The following MAGEC3 variants were observed in gnomAD, a reference collection of about 807,000 sequenced individuals.
MAGEC3 encodes the protein MAGE family member C3.
MAGEC3 carries 34 observed loss-of-function variants against 35.3 expected under a neutral mutation model. The observed-to-expected ratio is 0.96, with a 90% CI of 0.73 to 1.28. MAGEC3 has a LOEUF of 1.28. MAGEC3 is among the 50% of genes most tolerant of loss of function. MAGEC3 has a pLI of 0.00. For synonymous variants in MAGEC3, 202 were observed against 185.6 expected (o/e 1.09, Z -0.72); for missense variants, 561 against 483.6 (o/e 1.16, Z -1.50).
intron 6 of MAGEC3, 73 bp from the exon 7 acceptor site, chrX:141,896,809 T>G (rs777908610): frequency 8.3e-7 from 1 of 1,203,548 alleles, no homozygotes; most frequent in East Asian, 3.0e-5. Context: ...TTTATTCCCC[T>G]CCTCCTCTTC....
intron 1 of MAGEC3, among the ~76,000 whole-genome samples, chrX:141,847,368 T>C (rs1296644721): frequency 9.0e-6 from 1 of 111,210 alleles, no homozygotes; most frequent in Non-Finnish European, 1.9e-5. Context: ...TAACCAACCA[T>C]CCCAACATAG....
intron 1 of MAGEC3, among the ~76,000 whole-genome samples, chrX:141,853,143 G>A (rs1004520312): frequency 9.0e-6 from 1 of 111,048 alleles, no homozygotes; most frequent in Non-Finnish European, 1.9e-5. Context: ...CAACCCTTGT[G>A]GTATGTGGTA....
intron 1 of MAGEC3, among the ~76,000 whole-genome samples, chrX:141,863,170 TTTTG>T (rs2017826111): frequency 3.6e-5 from 4 of 112,076 alleles, no homozygotes; most frequent in Admixed American, 1.9e-4. Flanking sequence ...ACCTTATCTA[TTTTG>T]TTTATTTTAA....
intron 4 of MAGEC3, among the ~76,000 whole-genome samples, chrX:141,886,208 G>A (rs1450326477): frequency 9.0e-6 from 1 of 110,633 alleles, no homozygotes; most frequent in Non-Finnish European, 1.9e-5. Flanking sequence ...TTGATAGGAA[G>A]CCTACTGCAT....
At chrX:141,892,835 AG>A (rs1444614454) in intron 4 of MAGEC3, among the ~76,000 whole-genome samples, 1 of 112,046 alleles carries the variant, frequency 8.9e-6, no homozygotes, top group African/African-American at 3.2e-5. Flanking sequence ...CTAAGAAAAA[AG>A]AGATAAATTG....
intron 4 of MAGEC3, among the ~76,000 whole-genome samples, chrX:141,889,568 C>G (rs141378274): frequency 8.9e-6 from 1 of 111,856 alleles, no homozygotes; most frequent in Non-Finnish European, 1.9e-5. Flanking sequence ...GTGATTGACC[C>G]GGGCTATCAA....
Position 141,874,155 on chromosome X carries a change from C to G in MAGEC3, c.259-5020C>G, listed in dbSNP as rs751515268. 3.9e-3 allele frequency among the ~76,000 whole-genome samples: 433 copies of G among 111,942 alleles called. 6 individuals are homozygous for G. Among genetic ancestry groups the G allele is most frequent in the African/African-American group, 0.013 (410 of 30,845 alleles). On this transcript the variant is annotated intron_variant, in intron 2 of 7. Coordinates refer to ENST00000298296, the MANE Select transcript of MAGEC3 (RefSeq NM_138702.1). ...TAATTATACCAGAACAAGTGGACATCCACATGGAGAAAATGAAGTTAGGCA... is the reference window on the plus strand; with the variant it reads ...TAATTATACCAGAACAAGTGGACATGCACATGGAGAAAATGAAGTTAGGCA...
chrX:141,849,663 G>A (rs1437685627), intron 1 of MAGEC3, among the ~76,000 whole-genome samples: 2 of 110,966 alleles, frequency 1.8e-5, no homozygotes, highest in African/African-American at 6.5e-5. Context: ...AATCATCAGA[G>A]AAATACAAAT....
chrX:141,897,595 C>G lies in MAGEC3; in HGVS notation c.1729-34C>G, dbSNP rs371864826. 30 of 1,198,263 alleles carry G rather than the reference C, an allele frequency of 2.5e-5. No homozygotes were observed. The African/African-American group carries it at 4.2e-4, about 17-fold the overall frequency. Reference sequence around the variant, plus strand: ...GTACCGGGAGGTGCCCAACAGTGCTCCTCCACGTTATGAATTTTTGTGGGG... The same window carrying G: ...GTACCGGGAGGTGCCCAACAGTGCTGCTCCACGTTATGAATTTTTGTGGGG... On this transcript the variant is annotated intron_variant, in intron 7 of 7. Coordinates refer to ENST00000298296, the MANE Select transcript of MAGEC3 (RefSeq NM_138702.1).
At chrX:141,857,437 G>A (rs1486840131) in intron 1 of MAGEC3, among the ~76,000 whole-genome samples, 2 of 111,059 alleles carry the variant, frequency 1.8e-5, no homozygotes, top group African/African-American at 3.3e-5. Context: ...TCAGGTTTCT[G>A]TAGCACCCTG....
intron 1 of MAGEC3, among the ~76,000 whole-genome samples, chrX:141,847,515 A>G (rs57212228): frequency 0.037 from 4,086 of 111,487 alleles, 192 homozygotes; most frequent in African/African-American, 0.12. Context: ...ATTGATAAGT[A>G]TGTTCTCCAA....
intron 2 of MAGEC3, among the ~76,000 whole-genome samples, chrX:141,867,844 T>C (rs1026070961): frequency 2.7e-5 from 3 of 112,256 alleles, no homozygotes; most frequent in African/African-American, 9.7e-5. Flanking sequence ...AGGTAGAGGC[T>C]GGGCATGGTG....
intron 1 of MAGEC3, chrX:141,839,567 C>A: frequency 1.3e-6 from 1 of 754,276 alleles, no homozygotes; most frequent in South Asian, 6.7e-5. Context: ...CAGCTCCTAC[C>A]ACTTCCAGGC....
In MAGEC3 at chrX:141,879,223, C is replaced by T. The variant is rs368440366; in HGVS notation, c.307C>T (p.His103Tyr). Residue 103 changes from histidine (H) to tyrosine (Y), a missense_variant, in exon 3 of 8, where the codon CAT becomes TAT. Physicochemically the swap from His to Tyr is moderately conservative, Grantham distance 83. Coordinates refer to ENST00000298296, the MANE Select transcript of MAGEC3 (RefSeq NM_138702.1). ...GSPGLQLSDL[H>Y]FGSQPEGKFS... ...CCCAGGTTTACAACTTTCTGACTTG[C>T]ATTTTGGGAGTCAGCCGGAGGGGAA... 3.3e-6 allele frequency: 4 copies of T among 1,200,615 alleles called. No homozygotes were observed. In the African/African-American group the frequency reaches 5.3e-5, roughly 16 times the overall value.
chrX:141,865,421 G>A (rs780437305), intron 1 of MAGEC3, 50 bp from the exon 2 acceptor site: 18 of 1,143,519 alleles, frequency 1.6e-5, no homozygotes, highest in African/African-American at 5.4e-5. Context: ...TTCCATCACA[G>A]GTAGAGGTTG....
chrX:141,897,489 G>A lies in MAGEC3; in HGVS notation c.1728+3G>A, dbSNP rs763648873. On this transcript the variant is annotated splice_donor_region_variant and intron_variant, in intron 7 of 7. Coordinates refer to ENST00000298296, the MANE Select transcript of MAGEC3 (RefSeq NM_138702.1). ...GGGAAGTGTTGAGTGCAATAGGGGT[G>A]TGTGCTGGGAGGGAGCACTTTATAT... is the stretch of plus-strand genomic sequence containing the variant. 6 of 1,202,300 alleles carry A rather than the reference G, an allele frequency of 5.0e-6. No individual in the cohort carries two copies. In the Admixed American group the frequency reaches 1.3e-4, roughly 27 times the overall value.
intron 4 of MAGEC3, among the ~76,000 whole-genome samples, chrX:141,886,926 A>G (rs956396237): frequency 2.7e-5 from 3 of 112,000 alleles, no homozygotes; most frequent in Non-Finnish European, 3.8e-5. Context: ...AGGAACTGAA[A>G]TACGCAGGGG....
intron 1 of MAGEC3, among the ~76,000 whole-genome samples, chrX:141,854,618 T>C (rs1340486810): frequency 9.0e-6 from 1 of 111,434 alleles, no homozygotes; most frequent in Non-Finnish European, 1.9e-5. Context: ...CCATGTAGGA[T>C]GGGACTTGCT....
At chrX:141,846,164 A>G (rs1296808911) in intron 1 of MAGEC3, among the ~76,000 whole-genome samples, 1 of 106,926 alleles carries the variant, frequency 9.4e-6, no homozygotes, top group African/African-American at 3.4e-5. Flanking sequence ...CTCAACAGCC[A>G]GTTCCCATGT....
Sources: gnomAD v4.1 joint callset for allele counts (sites outside exome capture counted in the v4.1 genomes callset) on GRCh38, gnomAD v4.1.1 for gene constraint, MANE v1.5 for transcripts, NCBI Gene and HGNC (gene_info 2026-07-23, HGNC 2026-07-21) for gene names.